FANK1: variants seen among roughly 807,000 people sequenced by gnomAD.
The protein encoded by FANK1 is fibronectin type 3 and ankyrin repeat domains protein 1.
In FANK1, 44 loss-of-function variants were observed where a neutral mutation model predicts 45.3. The ratio of observed to expected loss-of-function variants is 0.97; its 90% CI spans 0.76 to 1.25. The LOEUF (loss-of-function observed/expected upper bound fraction) is 1.25. Among genes scored for constraint, FANK1 ranks in the 50% most tolerant of loss-of-function variants. The pLI is 0.00. For synonymous variants in FANK1, 149 were observed against 152.5 expected, an observed-to-expected ratio of 0.98 and a Z score of 0.17; for missense variants, 391 against 424.4, an observed-to-expected ratio of 0.92 and a Z score of 0.69.
intron 1 of FANK1, among the ~76,000 whole-genome samples, chr10:125,953,534 T>C (rs905165158): frequency 2.0e-5 from 3 of 152,184 alleles, no homozygotes; most frequent in African/African-American, 7.2e-5. Context: ...AATGAGTTCC[T>C]ATGCGGGGGA....
intron 1 of FANK1, among the ~76,000 whole-genome samples, chr10:125,900,593 G>A (rs1326164985): frequency 1.3e-5 from 2 of 152,000 alleles, no homozygotes; most frequent in African/African-American, 4.8e-5. Context: ...TAAAAATCCA[G>A]CAGGCAGCAG....
rs1014747921 is a variant in FANK1 at position 126,008,500 on chromosome 10, G to C, written c.799G>C (p.Ala267Pro). The C allele has an allele frequency of 1.9e-6, 3 of 1,613,784 alleles. No individual in the cohort carries two copies. The highest frequency in any genetic ancestry group is 2.5e-6 in the Non-Finnish European group (3 of 1,179,864). ...NQRVASLLID[A>P]GANVNVKDRN... The stretch of plus-strand genomic sequence containing the variant: ...GAGGGTGGCCTCTCTTCTAATTGAT[G>C]CTGGGGCCAATGTGAATGTGAAGGA... Residue 267 changes from alanine (A) to proline (P), a missense_variant, in exon 8 of 11, where the codon GCT becomes CCT. Physicochemically the swap from Ala to Pro is conservative, Grantham distance 27. Transcript: ENST00000368693.
chr10:125,941,838 C>T (rs918743205), intron 1 of FANK1, among the ~76,000 whole-genome samples: 3 of 152,188 alleles, frequency 2.0e-5, no homozygotes, highest in African/African-American at 7.2e-5. Flanking sequence ...AGCAGCAAAG[C>T]CAAACAATAC....
chr10:125,958,286 G>A (rs757702162), intron 1 of FANK1, among the ~76,000 whole-genome samples: 1 of 151,850 alleles, frequency 6.6e-6, no homozygotes, highest in Non-Finnish European at 1.5e-5. Flanking sequence ...TTCTGTATTA[G>A]TCTGTTTTCA....
intron 1 of FANK1, among the ~76,000 whole-genome samples, chr10:125,903,437 G>C (rs911708991): frequency 3.3e-5 from 5 of 152,360 alleles, no homozygotes; most frequent in African/African-American, 9.6e-5. Context: ...AGTTCCTTTT[G>C]CTGTGCCCCA....
intron 6 of FANK1, among the ~76,000 whole-genome samples, chr10:126,001,817 C>T (rs1049766310): frequency 4.0e-5 from 6 of 151,706 alleles, no homozygotes; most frequent in Non-Finnish European, 7.4e-5. Flanking sequence ...GCTGGGCAAT[C>T]CAGAGCCTCC....
chr10:126,007,748 ACT>A (rs1458520816), intron 7 of FANK1, among the ~76,000 whole-genome samples: 1 of 151,856 alleles, frequency 6.6e-6, no homozygotes, highest in Non-Finnish European at 1.5e-5. Flanking sequence ...CTTCAGCACC[ACT>A]CTTCATGGAT....
At chr10:125,923,990 C>A (rs1349348460) in intron 1 of FANK1, among the ~76,000 whole-genome samples, 3 of 152,096 alleles carry the variant, frequency 2.0e-5, no homozygotes, top group Non-Finnish European at 4.4e-5. Context: ...GTGGCTCATA[C>A]CTGTAATCCC....
intron 3 of FANK1, chr10:125,988,934 G>A (rs1002695469): frequency 1.5e-5 from 9 of 581,170 alleles, no homozygotes; most frequent in Non-Finnish European, 2.4e-5. Flanking sequence ...CAAAAGGGTG[G>A]AGTCACCTTT....
chr10:125,993,790 A>G (rs1952106962), intron 3 of FANK1, among the ~76,000 whole-genome samples: 1 of 152,202 alleles, frequency 6.6e-6, no homozygotes, highest in African/African-American at 2.4e-5. Flanking sequence ...AGTATAATGT[A>G]GCTAAAAAAA....
At chr10:125,947,451 A>G (rs1449029019) in intron 1 of FANK1, among the ~76,000 whole-genome samples, 1 of 150,210 alleles carries the variant, frequency 6.7e-6, no homozygotes, top group Non-Finnish European at 1.5e-5. Context: ...AAAAAAAGGC[A>G]GGGGTTGCAA....
At chr10:125,984,051 G>A (rs1025140515) in intron 2 of FANK1, among the ~76,000 whole-genome samples, 12 of 152,196 alleles carry the variant, frequency 7.9e-5, no homozygotes, top group African/African-American at 2.7e-4. Flanking sequence ...TATGGGATGT[G>A]AGATACGGGA....
chr10:125,938,638 G>A (rs1236053494), intron 1 of FANK1, among the ~76,000 whole-genome samples: 1 of 152,128 alleles, frequency 6.6e-6, no homozygotes, highest in Non-Finnish European at 1.5e-5. Context: ...GTGAAACCTT[G>A]TCCCTACTAA....
chr10:125,973,120 T>G (rs1950624899), intron 1 of FANK1: 1 of 152,270 alleles, frequency 6.6e-6, no homozygotes, highest in African/African-American at 2.4e-5. Context: ...TCTCTCATTA[T>G]GTACCTACAT....
chr10:125,984,408 GTAGA>G (rs1951423138), intron 2 of FANK1, among the ~76,000 whole-genome samples: 1 of 152,202 alleles, frequency 6.6e-6, no homozygotes, highest in South Asian at 2.1e-4. Flanking sequence ...GGGCGGGGAG[GTAGA>G]TAGAATCCTT....
At chr10:125,971,676 CG>C (rs1304923470) in intron 1 of FANK1, among the ~76,000 whole-genome samples, 1 of 152,012 alleles carries the variant, frequency 6.6e-6, no homozygotes, top group Non-Finnish European at 1.5e-5. Context: ...GGCTGGAGTG[CG>C]GTGGCATGAT....
chr10:125,919,809 A>G lies in FANK1; in HGVS notation c.13+23154A>G, dbSNP rs545512140. Among the ~76,000 whole-genome samples the G allele has an allele frequency of 3.3e-5, 5 of 151,932 alleles. No individual in the cohort carries two copies. In the East Asian group the frequency reaches 7.7e-4, roughly 24 times the overall value. ...TCTGGGCTTTCTAAGCAGCCCAAAA[A>G]CTCTAGATGATTTTACTTTTGTAAT... On this transcript the variant is annotated intron_variant, in intron 1 of 10. Coordinates refer to ENST00000368693, the MANE Select transcript of FANK1 (RefSeq NM_145235.5).
intron 1 of FANK1, among the ~76,000 whole-genome samples, chr10:125,914,198 T>C (rs1205327362): frequency 6.6e-6 from 1 of 151,964 alleles, no homozygotes; most frequent in African/African-American, 2.4e-5. Flanking sequence ...TAAGTGATGG[T>C]CTTCATTCCT....
At chr10:125,904,301 G>C (rs1158832954) in intron 1 of FANK1, among the ~76,000 whole-genome samples, 3 of 152,146 alleles carry the variant, frequency 2.0e-5, no homozygotes, top group African/African-American at 7.2e-5. Context: ...AACATAAGAA[G>C]TATGTATACC....
Sources: allele counts gnomAD v4.1 joint callset (sites outside exome capture counted in the v4.1 genomes callset), GRCh38; gene constraint gnomAD v4.1.1; transcripts MANE v1.5; gene names NCBI Gene and HGNC (gene_info 2026-07-23, HGNC 2026-07-21).